Variants in CYP2C18 observed in about 807,000 individuals in gnomAD.
The protein encoded by CYP2C18 is cytochrome P450 family 2 subfamily C member 18, also known as cytochrome P450 2C18.
Under a neutral mutation model 41.3 loss-of-function variants are expected in CYP2C18, and 38 were observed. That is an observed-to-expected ratio of 0.92 (90% confidence interval 0.71 to 1.21). The LOEUF (loss-of-function observed/expected upper bound fraction) is 1.21. Among genes scored for constraint, CYP2C18 ranks in the 50% most tolerant of loss-of-function variants. The pLI is 0.00. For synonymous variants in CYP2C18, 236 were observed against 210.0 expected, an observed-to-expected ratio of 1.12 and a Z score of -1.07; for missense variants, 635 against 591.4, an observed-to-expected ratio of 1.07 and a Z score of -0.77.
At chr10:94,689,552 G>C (rs1846958986) in intron 3 of CYP2C18, among the ~76,000 whole-genome samples, 1 of 152,020 alleles carries the variant, frequency 6.6e-6, no homozygotes, top group African/African-American at 2.4e-5. Flanking sequence ...ATCCAATACA[G>C]TTGTCCCTCC....
chr10:94,728,821 A>G (rs781026192), intron 7 of CYP2C18, among the ~76,000 whole-genome samples: 15 of 152,148 alleles, frequency 9.9e-5, no homozygotes, highest in Non-Finnish European at 1.6e-4. Context: ...CAACTGATAC[A>G]GAACAACAAC....
In CYP2C18 at chr10:94,735,314, T is replaced by C; in HGVS notation, c.1343T>C (p.Phe448Ser). 6.2e-7 allele frequency: 1 copy of C among 1,613,764 alleles called. No homozygotes were observed. The highest frequency in any genetic ancestry group is 8.5e-7 in the Non-Finnish European group (1 of 1,179,768). Residue 448 changes from phenylalanine to serine, a missense_variant, in exon 9 of 9, where the codon TTC (phenylalanine) becomes TCC (serine). Coordinates refer to ENST00000285979, the MANE Select transcript of CYP2C18 (RefSeq NM_000772.3). ...EGLARMELFL[F>S]LTTILQNFNL... ...CTGGCCCGCATGGAGCTGTTTTTAT[T>C]CCTGACCACCATTTTGCAGAACTTT...
At chr10:94,715,643 C>A (rs1301835912) in intron 5 of CYP2C18, among the ~76,000 whole-genome samples, 1 of 152,072 alleles carries the variant, frequency 6.6e-6, no homozygotes, top group Non-Finnish European at 1.5e-5. Flanking sequence ...CTAAAATTCT[C>A]TTTTTCTGTT....
intron 1 of CYP2C18, among the ~76,000 whole-genome samples, chr10:94,685,725 G>T (rs1846874642): frequency 6.6e-6 from 1 of 152,078 alleles, no homozygotes. Context: ...TTATTTCAGG[G>T]TTCTCTACGC....
intron 7 of CYP2C18, 124 bp downstream of exon 7, chr10:94,724,657 T>C: frequency 1.1e-6 from 1 of 905,516 alleles, no homozygotes; most frequent in Non-Finnish European, 1.7e-6. Flanking sequence ...GGCAGCTTTC[T>C]GGACTCTGCT....
chr10:94,724,210 A>T, intron 6 of CYP2C18, 136 bp from the exon 7 acceptor site: 1 of 820,700 alleles, frequency 1.2e-6, no homozygotes, highest in South Asian at 1.6e-5. Flanking sequence ...TTCTTCCCTA[A>T]GTCTAGGTGT....
At chr10:94,720,668 G>A (rs568569172) in intron 6 of CYP2C18, 131 bp downstream of exon 6, 4 of 880,658 alleles carry the variant, frequency 4.5e-6, no homozygotes, top group East Asian at 2.5e-5. Flanking sequence ...GCTCTAAGTT[G>A]TCTAAATATG....
At chr10:94,691,829 T>C (rs1285201407) in intron 3 of CYP2C18, among the ~76,000 whole-genome samples, 4 of 152,058 alleles carry the variant, frequency 2.6e-5, no homozygotes, top group Admixed American at 6.6e-5. Context: ...AACAGAGATA[T>C]AGACCAATGG....
intron 4 of CYP2C18, among the ~76,000 whole-genome samples, chr10:94,705,640 T>C (rs1290207662): frequency 6.6e-6 from 1 of 152,172 alleles, no homozygotes; most frequent in Non-Finnish European, 1.5e-5. Flanking sequence ...TGATTCTGAC[T>C]TTTTTGTTTG....
intron 5 of CYP2C18, among the ~76,000 whole-genome samples, chr10:94,707,449 C>A (rs927428383): frequency 2.6e-5 from 4 of 151,962 alleles, no homozygotes; most frequent in African/African-American, 4.8e-5. Context: ...AAAAGGGAGG[C>A]CTTAACTGAA....
chr10:94,734,170 G>C (rs941867056), intron 8 of CYP2C18, among the ~76,000 whole-genome samples: 3 of 151,982 alleles, frequency 2.0e-5, no homozygotes, highest in Non-Finnish European at 4.4e-5. Flanking sequence ...CAAATTTCAG[G>C]GTCAGGAAAA....
At position 94,687,905 on chromosome 10, in the gene CYP2C18, G is replaced by C; in HGVS notation, c.304G>C (p.Val102Leu). The change falls in exon 2 of 9, where the codon GTG (valine) becomes CTG (leucine). Residue 102 changes from valine to leucine, a missense_variant. Val to Leu is a conservative substitution (Grantham distance 32, BLOSUM62 1). Coordinates refer to ENST00000285979, the MANE Select transcript of CYP2C18 (RefSeq NM_000772.3). ...EEFSGRGSFP[V>L]AEKVNKGLGI... ...GTTTTCTGGAAGAGGAAGTTTTCCA[G>C]TGGCTGAAAAAGTTAACAAAGGACT... 6.2e-7 allele frequency: 1 copy of C among 1,613,794 alleles called. No homozygotes were observed. Among genetic ancestry groups the C allele is most frequent in the South Asian group, 1.1e-5 (1 of 91,068 alleles).
chr10:94,735,383 C>G lies in CYP2C18; in HGVS notation c.1412C>G (p.Pro471Arg). 1 of 1,613,760 alleles carries G rather than the reference C, an allele frequency of 6.2e-7. No homozygotes were observed. Among genetic ancestry groups the G allele is most frequent in the Non-Finnish European group, 8.5e-7 (1 of 1,179,734 alleles). Residue 471 changes from proline (P) to arginine (R), a missense_variant, in exon 9 of 9, where the codon CCC becomes CGC. Physicochemically the swap from Pro to Arg is moderately radical, Grantham distance 103. Coordinates refer to ENST00000285979, the MANE Select transcript of CYP2C18 (RefSeq NM_000772.3). ...QVDPKDIDIT[P>R]IANAFGRVPP... is the part of the protein sequence containing the mutation. ...GACCCAAAGGATATTGACATCACCC[C>G]CATTGCCAATGCATTTGGTCGTGTG... is the stretch of plus-strand genomic sequence containing the variant.
chr10:94,730,916 T>C (rs1053720568), intron 7 of CYP2C18, among the ~76,000 whole-genome samples: 3 of 152,000 alleles, frequency 2.0e-5, no homozygotes, highest in African/African-American at 7.3e-5. Flanking sequence ...AAGAACGCAA[T>C]CCCATTTACA....
chr10:94,707,853 A>G (rs1439860546), intron 5 of CYP2C18, among the ~76,000 whole-genome samples: 1 of 152,210 alleles, frequency 6.6e-6, no homozygotes, highest in Non-Finnish European at 1.5e-5. Context: ...GAGAGCAGAC[A>G]TTCTCTTTGA....
intron 3 of CYP2C18, 76 bp downstream of exon 3, chr10:94,688,350 T>A: frequency 6.9e-7 from 1 of 1,455,820 alleles, no homozygotes; most frequent in African/African-American, 1.4e-5. Context: ...ATACATAACT[T>A]TTATGCATAT....
intron 4 of CYP2C18, among the ~76,000 whole-genome samples, chr10:94,704,065 G>C (rs895351889): frequency 1.3e-5 from 2 of 152,142 alleles, no homozygotes; most frequent in Admixed American, 1.3e-4. Flanking sequence ...TGCACCCACT[G>C]TCTAACTAGT....
intron 3 of CYP2C18, among the ~76,000 whole-genome samples, chr10:94,689,468 T>C (rs1485513086): frequency 6.6e-6 from 1 of 152,156 alleles, no homozygotes; most frequent in Non-Finnish European, 1.5e-5. Flanking sequence ...GTCCACAGCA[T>C]GTCTCTGATT....
chr10:94,696,534 A>G (rs909042748), intron 4 of CYP2C18, among the ~76,000 whole-genome samples: 3 of 152,134 alleles, frequency 2.0e-5, no homozygotes, highest in Admixed American at 6.5e-5. Context: ...TGGGGAAAAA[A>G]CAGAGCCGAA....
Sources: allele counts gnomAD v4.1 joint callset (sites outside exome capture counted in the v4.1 genomes callset), GRCh38; gene constraint gnomAD v4.1.1; transcripts MANE v1.5; gene names NCBI Gene and HGNC (gene_info 2026-07-23, HGNC 2026-07-21).